KREMEN1: variants seen among roughly 807,000 people sequenced by gnomAD.
The protein encoded by KREMEN1 is kringle containing transmembrane protein 1.
Under a neutral mutation model 46.5 loss-of-function variants are expected in KREMEN1, and 30 were observed. The observed-to-expected ratio is 0.65, with a 90% CI of 0.48 to 0.88. KREMEN1 has a LOEUF of 0.88. KREMEN1 is among the 40% of genes least tolerant of loss of function. The pLI is 0.00. For missense variants in KREMEN1, 533 were observed against 596.9 expected (o/e 0.89, Z 1.11); for synonymous variants, 214 against 230.6 (o/e 0.93, Z 0.65).
chr22:29,098,829 A>T, intron 2 of KREMEN1, 33 bp from the exon 3 acceptor site: 1 of 1,484,568 alleles, frequency 6.7e-7, no homozygotes, highest in Non-Finnish European at 9.4e-7. Flanking sequence ...TTAAAACATC[A>T]GAAGTCATCA....
intron 9 of KREMEN1, among the ~76,000 whole-genome samples, chr22:29,153,616 C>T (rs1386181809): frequency 1.3e-5 from 2 of 152,108 alleles, no homozygotes; most frequent in African/African-American, 4.8e-5. Flanking sequence ...GTCTTGGCCT[C>T]CCGAAGTGCT....
Position 29,146,690 on chromosome 22 carries a change from T to C in KREMEN1, c.*4578T>C. 1.1e-6 allele frequency: 1 copy of C among 924,524 alleles called. No individual in the cohort carries two copies. The highest frequency in any genetic ancestry group is 1.3e-6 in the Non-Finnish European group (1 of 774,164). The allele number at this position is 924,524 out of a possible 1,614,324, so 57.3% of individuals were successfully genotyped here. Reference sequence around the variant, plus strand: ...ATATAAGATGAAGTGTGACGCACTGTATACAATTTAATATATATTTTTAGG... The same window carrying C: ...ATATAAGATGAAGTGTGACGCACTGCATACAATTTAATATATATTTTTAGG... On this transcript the variant is annotated 3_prime_UTR_variant, in exon 9 of 9. Transcript: ENST00000400335.
At chr22:29,111,050 G>A (rs1248800526) in intron 3 of KREMEN1, among the ~76,000 whole-genome samples, 1 of 152,146 alleles carries the variant, frequency 6.6e-6, no homozygotes, top group African/African-American at 2.4e-5. Flanking sequence ...TTTAAAATCA[G>A]CAGAGAAGCA....
intron 9 of KREMEN1, among the ~76,000 whole-genome samples, chr22:29,164,768 A>AAC (rs2039039793): frequency 6.7e-6 from 1 of 149,214 alleles, no homozygotes; most frequent in Non-Finnish European, 1.5e-5. Flanking sequence ...AAAAAAAAAA[A>AAC]CCCAAAACAA....
intron 1 of KREMEN1, among the ~76,000 whole-genome samples, chr22:29,091,003 C>G (rs1255262920): frequency 6.6e-6 from 1 of 152,152 alleles, no homozygotes; most frequent in Non-Finnish European, 1.5e-5. Context: ...GACAGAGTTT[C>G]ACTCTTGTTG....
intron 3 of KREMEN1, among the ~76,000 whole-genome samples, chr22:29,112,626 A>C (rs1005838634): frequency 2.0e-5 from 3 of 152,226 alleles, no homozygotes; most frequent in African/African-American, 7.2e-5. Context: ...ATTAATTTTC[A>C]CAAGTTTTGA....
At chr22:29,099,022 C>A (rs752378074) in intron 3 of KREMEN1, 69 bp downstream of exon 3, 2 of 1,182,006 alleles carry the variant, frequency 1.7e-6, no homozygotes, top group East Asian at 2.4e-5. Context: ...GAGGGAGGCC[C>A]CTGCCAGAGG....
chr22:29,166,934 A>G, intron 9 of KREMEN1: 1 of 860,780 alleles, frequency 1.2e-6, no homozygotes, highest in Non-Finnish European at 1.9e-6. Flanking sequence ...CCCTGTCTCA[A>G]AAACAAAACA....
At chr22:29,117,367 A>G (rs1038426752) in intron 3 of KREMEN1, among the ~76,000 whole-genome samples, 12 of 152,296 alleles carry the variant, frequency 7.9e-5, no homozygotes, top group Admixed American at 5.2e-4. Flanking sequence ...GGAGATCGAG[A>G]CCATCCTGGC....
Position 29,146,663 on chromosome 22 carries a change from AAATAT to A in KREMEN1, c.*4554_*4558del. 2 of 956,058 alleles carry A rather than the reference AAATAT, an allele frequency of 2.1e-6. No homozygotes were observed. Among genetic ancestry groups the A allele is most frequent in the African/African-American group, 3.5e-5 (2 of 56,676 alleles). The allele number at this position is 956,058 out of a possible 1,614,324, so 59.2% of individuals were successfully genotyped here. ...TAAAATAGAAACATCATGTATTTTA[AAATAT>A]AAGATGAAGTGTGACGCACTGTATA... is the stretch of plus-strand genomic sequence containing the variant. On this transcript the variant is annotated 3_prime_UTR_variant, in exon 9 of 9. Coordinates refer to ENST00000400335, the MANE Select transcript of KREMEN1 (RefSeq NM_001039570.3).
Position 29,145,056 on chromosome 22 carries a change from T to C in KREMEN1, c.*2944T>C. On this transcript the variant is annotated 3_prime_UTR_variant, in exon 9 of 9. Coordinates refer to ENST00000400335, the MANE Select transcript of KREMEN1 (RefSeq NM_001039570.3). Reference sequence around the variant, plus strand: ...TAAATCATCCCAGGCTAAGCCTCCGTGGGCACTGGCTCCTGCCGCAGCCTG... The same window carrying C: ...TAAATCATCCCAGGCTAAGCCTCCGCGGGCACTGGCTCCTGCCGCAGCCTG... 2 of 985,462 alleles carry C rather than the reference T, an allele frequency of 2.0e-6. No individual in the cohort carries two copies. The highest frequency in any genetic ancestry group is 2.4e-6 in the Non-Finnish European group (2 of 829,978). The allele number at this position is 985,462 out of a possible 1,614,324, so 61.0% of individuals were successfully genotyped here.
At position 29,142,248 on chromosome 22, in the gene KREMEN1, C is replaced by T; in HGVS notation, c.*136C>T. 1 of 1,373,042 alleles carries T rather than the reference C, an allele frequency of 7.3e-7. No homozygotes were observed. Among genetic ancestry groups the T allele is most frequent in the Non-Finnish European group, 9.4e-7 (1 of 1,068,018 alleles). 85.1% of individuals were successfully genotyped at this position (1,373,042 alleles called of 1,614,324 possible). A position where few individuals can be genotyped will look rare whatever the true frequency, so the allele number is the denominator to read the frequency against. On this transcript the variant is annotated 3_prime_UTR_variant, in exon 9 of 9. Coordinates refer to ENST00000400335, the MANE Select transcript of KREMEN1 (RefSeq NM_001039570.3). ...TCGGCCTCTTCGGGGAAACCCTCCT[C>T]CTACAGACTAGGAAGAGGCACCCTG... is the stretch of plus-strand genomic sequence containing the variant.
chr22:29,110,159 C>T (rs755554066), intron 3 of KREMEN1, among the ~76,000 whole-genome samples: 12 of 152,220 alleles, frequency 7.9e-5, no homozygotes, highest in Non-Finnish European at 1.8e-4. Context: ...AGTGGTTCTT[C>T]TGCTGCTGTC....
intron 7 of KREMEN1, among the ~76,000 whole-genome samples, chr22:29,139,785 G>C (rs542443382): frequency 2.0e-5 from 3 of 152,186 alleles, no homozygotes; most frequent in East Asian, 1.9e-4. Flanking sequence ...ACCTAGCCTG[G>C]AGGCTTTCAA....
At chr22:29,099,006 T>A (rs1313996342) in intron 3 of KREMEN1, 53 bp downstream of exon 3, 2 of 1,366,100 alleles carry the variant, frequency 1.5e-6, no homozygotes, top group African/African-American at 2.9e-5. Flanking sequence ...ACACTAAGAG[T>A]GCGTAGAGGG....
rs1340021537 is a variant in KREMEN1 at position 29,090,061 on chromosome 22, C to T, written c.98-4197C>T. Among the ~76,000 whole-genome samples the T allele has an allele frequency of 2.0e-5, 3 of 152,250 alleles. No homozygotes were observed. The East Asian group carries it at 5.8e-4, about 29-fold the overall frequency. On this transcript the variant is annotated intron_variant, in intron 1 of 8. Transcript: ENST00000400335. ...TATAAACATGTAAGCTCCATGAATA[C>T]AGGATATTTGTTCATCTCTGTAGCC...
At chr22:29,148,461 T>G (rs1485540547), downstream of KREMEN1, among the ~76,000 whole-genome samples, 1 of 149,658 alleles carries the variant, frequency 6.7e-6, no homozygotes, top group East Asian at 1.9e-4. Context: ...TTTTTTTTGT[T>G]TTTTTTTTTT....
chr22:29,146,409 G>A lies in KREMEN1; in HGVS notation c.*4297G>A, dbSNP rs531758079. The A allele has an allele frequency of 7.1e-6, 7 of 985,698 alleles. No homozygotes were observed. The highest frequency in any genetic ancestry group is 1.7e-5 in the African/African-American group (1 of 57,224). 61.1% of individuals were successfully genotyped at this position (985,698 alleles called of 1,614,324 possible). Reference sequence around the variant, plus strand: ...GCTTCCGTCTTGCTGAGTTGGGTACGGAGGCAGAAGTGGGGTGTGGAGGAA... The same window carrying A: ...GCTTCCGTCTTGCTGAGTTGGGTACAGAGGCAGAAGTGGGGTGTGGAGGAA... On this transcript the variant is annotated 3_prime_UTR_variant, in exon 9 of 9. Coordinates refer to ENST00000400335, the MANE Select transcript of KREMEN1 (RefSeq NM_001039570.3).
intron 5 of KREMEN1, among the ~76,000 whole-genome samples, chr22:29,134,965 G>A (rs1477043762): frequency 6.6e-6 from 1 of 152,156 alleles, no homozygotes; most frequent in Non-Finnish European, 1.5e-5. Context: ...GTGAGGTCAT[G>A]GAGGTGGTTC....
Sources: gnomAD v4.1 joint callset for allele counts (sites outside exome capture counted in the v4.1 genomes callset) on GRCh38, gnomAD v4.1.1 for gene constraint, MANE v1.5 for transcripts, NCBI Gene and HGNC (gene_info 2026-07-23, HGNC 2026-07-21) for gene names.